PRPF8: variants seen among roughly 807,000 people sequenced by gnomAD.
The protein encoded by PRPF8 is pre-mRNA-processing-splicing factor 8.
Under a neutral mutation model 285.9 loss-of-function variants are expected in PRPF8, and 64 were observed. That is an observed-to-expected ratio of 0.22 (90% confidence interval 0.18 to 0.28). PRPF8 has a LOEUF of 0.28. Ranked by LOEUF, PRPF8 falls within the 10% of genes least tolerant of loss-of-function variation. The pLI is 1.00. For missense variants in PRPF8, 1,426 were observed against 3,026.7 expected (o/e 0.47, Z 12.41); for synonymous variants, 1,325 against 1,118.2 (o/e 1.18, Z -3.69).
At position 1,673,719 on chromosome 17, in the gene PRPF8, G is replaced by C. The variant is rs1912451807; in HGVS notation, c.3446+27C>G. ...TGGGCCCTTAGCTTATGTCCTTCCA[G>C]CTCACACAGCCCCAACCTAGACTCA... On this transcript the variant is annotated intron_variant, in intron 22 of 42. Transcript: ENST00000304992. The surrounding 1 kb of genome is among the most constrained non-coding windows in gnomAD (Gnocchi z 5.5). The C allele has an allele frequency of 6.2e-7, 1 of 1,613,634 alleles. No individual in the cohort carries two copies. Among genetic ancestry groups the C allele is most frequent in the East Asian group, 2.2e-5 (1 of 44,880 alleles).
intron 6 of PRPF8, 99 bp downstream of exon 6, chr17:1,681,379 G>A (rs1311800177): frequency 2.3e-6 from 3 of 1,328,484 alleles, no homozygotes; most frequent in African/African-American, 2.9e-5. Flanking sequence ...TGCACCTGGT[G>A]TAAACAGACT....
At chr17:1,668,923 C>T (rs1309780155) in intron 24 of PRPF8, among the ~76,000 whole-genome samples, 1 of 152,176 alleles carries the variant, frequency 6.6e-6, no homozygotes, top group Non-Finnish European at 1.5e-5. Flanking sequence ...CTATGCACAA[C>T]TCTTTCCCCT....
At chr17:1,655,195 T>C (rs1412258393) in intron 37 of PRPF8, among the ~76,000 whole-genome samples, 155 bp downstream of exon 37, 10 of 149,040 alleles carry the variant, frequency 6.7e-5, no homozygotes, top group Admixed American at 6.7e-4. Flanking sequence ...TGACCTCAAA[T>C]GATCTACCCA....
chr17:1,681,229 TG>T (rs1012258322), intron 6 of PRPF8, among the ~76,000 whole-genome samples, 175 bp from the exon 7 acceptor site: 1 of 152,096 alleles, frequency 6.6e-6, no homozygotes, highest in Admixed American at 6.6e-5. Flanking sequence ...TACACGAAGC[TG>T]TGAGTGTCAC....
At position 1,651,988 on chromosome 17, in the gene PRPF8, G is replaced by C; in HGVS notation, c.6370-200C>G. ...ACCTCATCGCGGACTTACCACATCA[G>C]AATCTCCTGAGTGGGGTCCAGGAAT... On this transcript the variant is annotated intron_variant, in intron 39 of 42. Transcript: ENST00000304992. The surrounding 1 kb of genome is among the most constrained non-coding windows in gnomAD (Gnocchi z 5.1). 2.9e-6 allele frequency: 2 copies of C among 686,414 alleles called. No individual in the cohort carries two copies. Among genetic ancestry groups the C allele is most frequent in the South Asian group, 3.4e-5 (2 of 59,324 alleles). The allele number at this position is 686,414 out of a possible 1,614,324, so 42.5% of individuals were successfully genotyped here.
Position 1,651,195 on chromosome 17 carries a change from A to G in PRPF8, c.6766T>C (p.Tyr2256His), listed in dbSNP as rs1443032143. 6.2e-7 allele frequency: 1 copy of G among 1,614,132 alleles called. No homozygotes were observed. Among genetic ancestry groups the G allele is most frequent in the East Asian group, 2.2e-5 (1 of 44,880 alleles). ...NNPKGYLPSH[Y>H]ERVQMLLSDR... ...GACAGCAGCATCTGCACCCTCTCATAGTGTGAAGGCAGGTAGCCCTTGGGG... is the reference window on the plus strand; with the variant it reads ...GACAGCAGCATCTGCACCCTCTCATGGTGTGAAGGCAGGTAGCCCTTGGGG... Residue 2256 changes from tyrosine (Y) to histidine (H), a missense_variant, in exon 42 of 43, where the codon TAT becomes CAT. Tyr to His is a moderately conservative substitution (Grantham distance 83). Around this residue, in one of 34 missense-constraint regions of PRPF8, gnomAD observed 160 missense variants for 373.7 expected, o/e 0.43. Transcript: ENST00000304992. This position sits in a 1 kb window ranked among gnomAD's most constrained non-coding sequence, Gnocchi z 5.1.
chr17:1,650,861 A>G lies in PRPF8; in HGVS notation c.6949T>C (p.Phe2317Leu). The G allele has an allele frequency of 6.2e-7, 1 of 1,614,098 alleles. No individual in the cohort carries two copies. The highest frequency in any genetic ancestry group is 8.5e-7 in the Non-Finnish European group (1 of 1,180,004). Residue 2317 changes from phenylalanine (F) to leucine (L), a missense_variant, in exon 43 of 43, where the codon TTT becomes CTT. Physicochemically the swap from Phe to Leu is conservative, Grantham distance 22. Coordinates refer to ENST00000304992, the MANE Select transcript of PRPF8 (RefSeq NM_006445.4). ...EVHRPSHFLN[F>L]ALLQEGEVYS... ...ACCTCCCCCTCCTGCAGGAGAGCAA[A>G]GTTGAGGAAGTGAGAGGGCCTGTGC...
Position 1,678,940 on chromosome 17 carries a change from T to G in PRPF8, c.1600-59A>C. On this transcript the variant is annotated intron_variant, in intron 11 of 42. Transcript: ENST00000304992. ...ATGAGCAATGGACCCAACTGATGTA[T>G]GCCTTCATCAGTAACCAGAGGAAAA... is the stretch of plus-strand genomic sequence containing the variant. The G allele has an allele frequency of 2.5e-6, 4 of 1,613,724 alleles. No homozygotes were observed. The East Asian group carries it at 8.9e-5, about 36-fold the overall frequency.
At chr17:1,683,117 TC>T in intron 3 of PRPF8, 1 of 286,914 alleles carries the variant, frequency 3.5e-6, no homozygotes, top group South Asian at 3.3e-5. Context: ...TGCCTCAGCC[TC>T]CCAAGTAGCT....
intron 37 of PRPF8, chr17:1,655,130 G>T (rs896426453): frequency 7.2e-6 from 4 of 556,190 alleles, no homozygotes; most frequent in Non-Finnish European, 9.7e-6. Context: ...GCTAACTTTT[G>T]TATTTTTAGT....
rs1912926167 is a variant in PRPF8, at chr17:1,681,555, G to A, written c.789C>T (p.Phe263=). 5.0e-6 allele frequency: 8 copies of A among 1,613,698 alleles called. No homozygotes were observed. The Admixed American group carries it at 1.2e-4, about 24-fold the overall frequency. Residue 263 remains phenylalanine, a synonymous_variant, in exon 6 of 43, where the codon TTC becomes TTT. Transcript: ENST00000304992. ...NYFYLFDLKA[F]FTSKALNMAI... ...CCATATTGAGTGCCTTGGACGTAAA[G>A]AAGGCCTTCAAATCAAACAGGTAGA...
Position 1,684,345 on chromosome 17 carries a change from T to G in PRPF8, c.100+127A>C, listed in dbSNP as rs7223663. The G allele has an allele frequency of 4.2e-6, 4 of 958,002 alleles. No individual in the cohort carries two copies. The African/African-American group carries it at 6.5e-5, about 16-fold the overall frequency. 59.3% of individuals were successfully genotyped at this position (958,002 alleles called of 1,614,324 possible). The stretch of plus-strand genomic sequence containing the variant: ...GCGCTTAAAATGACTTGATGAAAAA[T>G]TAACTGGAAATAACAAGGGAGCTGA... On this transcript the variant is annotated intron_variant, in intron 2 of 42. Coordinates refer to ENST00000304992, the MANE Select transcript of PRPF8 (RefSeq NM_006445.4).
At chr17:1,682,438 A>G (rs1214561964) in intron 3 of PRPF8, 145 bp from the exon 4 acceptor site, 3 of 971,656 alleles carry the variant, frequency 3.1e-6, no homozygotes, top group Non-Finnish European at 3.2e-6. Flanking sequence ...CTTCCTAACC[A>G]GAAACCCTGC....
chr17:1,670,645 C>T (rs2151123622), intron 24 of PRPF8, among the ~76,000 whole-genome samples: 1 of 152,280 alleles, frequency 6.6e-6, no homozygotes, highest in East Asian at 1.9e-4. Flanking sequence ...CACCACCACG[C>T]CCGGCTAATT....
intron 37 of PRPF8, chr17:1,654,268 G>C (rs1470708089): frequency 1.6e-6 from 1 of 610,110 alleles, no homozygotes; most frequent in Non-Finnish European, 2.9e-6. Context: ...ACGCTTCCTT[G>C]ACCAAAACAA....
At chr17:1,654,121 G>GC in intron 37 of PRPF8, 105 bp from the exon 38 acceptor site, 2 of 1,532,594 alleles carry the variant, frequency 1.3e-6, no homozygotes, top group Non-Finnish European at 1.8e-6. Context: ...CTATACTCAC[G>GC]CCCCAGACAA....
At chr17:1,652,307 C>T (rs561218492) in intron 39 of PRPF8, among the ~76,000 whole-genome samples, 2 of 152,212 alleles carry the variant, frequency 1.3e-5, no homozygotes, top group African/African-American at 4.8e-5. Flanking sequence ...GGTGTGATCT[C>T]AGCTCACTGC....
intron 24 of PRPF8, among the ~76,000 whole-genome samples, chr17:1,672,245 T>C (rs1912364627): frequency 6.6e-6 from 1 of 152,182 alleles, no homozygotes; most frequent in African/African-American, 2.4e-5. Flanking sequence ...AGCTAAGAGT[T>C]ACTCTAATGG....
At chr17:1,657,271 G>A (rs947314403) in intron 34 of PRPF8, among the ~76,000 whole-genome samples, 3 of 152,204 alleles carry the variant, frequency 2.0e-5, no homozygotes, top group Non-Finnish European at 4.4e-5. Flanking sequence ...GATGTTGAAC[G>A]TCTAGGAAGC....
Sources: allele counts gnomAD v4.1 joint callset (sites outside exome capture counted in the v4.1 genomes callset), GRCh38; gene constraint gnomAD v4.1.1; regional missense constraint gnomAD v4.1.1; non-coding constraint Gnocchi (gnomAD v3.1); transcripts MANE v1.5; gene names NCBI Gene and HGNC (gene_info 2026-07-23, HGNC 2026-07-21).